The following COL14A1 variants were observed in gnomAD, a reference collection of about 807,000 sequenced individuals.
COL14A1 encodes collagen type XIV alpha 1 chain, also known as collagen alpha-1(XIV) chain.
COL14A1 carries 136 observed loss-of-function variants against 230.3 expected under a neutral mutation model. The ratio of observed to expected loss-of-function variants is 0.59; its 90% CI spans 0.51 to 0.68. The LOEUF is 0.68. Ranked by LOEUF, COL14A1 falls within the 30% of genes least tolerant of loss-of-function variation. COL14A1 has a pLI of 0.00. For missense variants in COL14A1, 1,976 were observed against 2,215.8 expected, an observed-to-expected ratio of 0.89 and a Z score of 2.17; for synonymous variants, 792 against 784.1, an observed-to-expected ratio of 1.01 and a Z score of -0.17.
intron 26 of COL14A1, 99 bp from the exon 27 acceptor site, chr8:120,278,012 T>C: frequency 9.0e-7 from 1 of 1,105,978 alleles, no homozygotes; most frequent in Non-Finnish European, 1.2e-6. Flanking sequence ...TGTAATGAGA[T>C]AATGAAGAAA....
At chr8:120,368,136 T>C (rs1019779592) in intron 46 of COL14A1, among the ~76,000 whole-genome samples, 1 of 152,154 alleles carries the variant, frequency 6.6e-6, no homozygotes, top group African/African-American at 2.4e-5. Flanking sequence ...ACTGAATGAG[T>C]TCTGTAAAAG....
intron 45 of COL14A1, among the ~76,000 whole-genome samples, chr8:120,355,788 C>T (rs1055940214): frequency 6.6e-6 from 1 of 152,216 alleles, no homozygotes; most frequent in African/African-American, 2.4e-5. Context: ...TCAGAGAAAC[C>T]ATCTGATCAT....
chr8:120,256,222 G>T (rs564067058), intron 23 of COL14A1, among the ~76,000 whole-genome samples: 2 of 152,166 alleles, frequency 1.3e-5, no homozygotes, highest in South Asian at 4.2e-4. Flanking sequence ...GTTCTTTCTG[G>T]GCAAATGATC....
intron 42 of COL14A1, among the ~76,000 whole-genome samples, chr8:120,338,727 G>A (rs964186395): frequency 2.0e-4 from 30 of 152,162 alleles, no homozygotes; most frequent in African/African-American, 5.6e-4. Flanking sequence ...AGCAGCCTAC[G>A]TATCAGCTAT....
chr8:120,168,360 A>G, intron 5 of COL14A1, 113 bp downstream of exon 5: 2 of 702,190 alleles, frequency 2.8e-6, no homozygotes, highest in Non-Finnish European at 2.4e-6. Flanking sequence ...TCTAATACGA[A>G]GATCGCCTGT....
Position 120,247,681 on chromosome 8 carries a change from G to A in COL14A1, c.2548G>A (p.Asp850Asn). The change falls in exon 21 of 48, where the codon GAC becomes AAC. Residue 850 changes from aspartate to asparagine, a missense_variant. Physicochemically the swap from Asp to Asn is conservative, Grantham distance 23. Coordinates refer to ENST00000297848, the MANE Select transcript of COL14A1 (RefSeq NM_021110.4). Reference sequence around the variant, plus strand: ...GTATAACCGGTTGCGCATTACGTGGGACCCCCCATCTTCCCCGGTGAAAGG... The same window carrying A: ...GTATAACCGGTTGCGCATTACGTGGAACCCCCCATCTTCCCCGGTGAAAGG... ...EWYNRLRITWDPPSSPVKGYR... is the reference protein window; with the variant it reads ...EWYNRLRITWNPPSSPVKGYR... 6.2e-7 allele frequency: 1 copy of A among 1,614,110 alleles called. No individual in the cohort carries two copies. The highest frequency in any genetic ancestry group is 1.1e-5 in the South Asian group (1 of 91,064).
intron 1 of COL14A1, among the ~76,000 whole-genome samples, chr8:120,135,637 T>C (rs1020029129): frequency 6.6e-6 from 1 of 152,196 alleles, no homozygotes; most frequent in Non-Finnish European, 1.5e-5. Flanking sequence ...TCTTAGAGAA[T>C]ATTTGTCCAT....
intron 9 of COL14A1, among the ~76,000 whole-genome samples, chr8:120,206,063 A>C (rs1437063111): frequency 1.3e-5 from 2 of 151,944 alleles, no homozygotes. Flanking sequence ...TCTTTTTTTA[A>C]ATTTTTAGGT....
In COL14A1 at chr8:120,161,814, C is replaced by A. The variant is rs534710440; in HGVS notation, c.206-612C>A. Among the ~76,000 whole-genome samples the A allele has an allele frequency of 5.3e-5, 8 of 152,268 alleles. No homozygotes were observed. The South Asian group carries it at 1.7e-3, about 32-fold the overall frequency. ...GAGTAGCTGGGACTACAGACAAACA[C>A]CACCACGGCTGGTTAATTTTGTGTG... On this transcript the variant is annotated intron_variant, in intron 3 of 47. Transcript: ENST00000297848.
At chr8:120,347,039 G>A (rs1020676568) in intron 45 of COL14A1, among the ~76,000 whole-genome samples, 1 of 152,138 alleles carries the variant, frequency 6.6e-6, no homozygotes, top group African/African-American at 2.4e-5. Flanking sequence ...TCTGTCAGCA[G>A]GGCATCCTCT....
intron 27 of COL14A1, 42 bp from the exon 28 acceptor site, chr8:120,278,393 T>C (rs911246797): frequency 1.9e-6 from 3 of 1,585,148 alleles, no homozygotes; most frequent in African/African-American, 2.7e-5. Flanking sequence ...AAAACAAAAA[T>C]GGGAGGGAGT....
Position 120,247,749 on chromosome 8 carries a change from T to C in COL14A1, c.2602+14T>C, listed in dbSNP as rs373089694. On this transcript the variant is annotated intron_variant, in intron 21 of 47. Transcript: ENST00000297848. ...AACCTGTCAGTGGTAAGTAATGCTT[T>C]GTAAATAATGTTGATACCATGAGTA... 3 of 1,611,870 alleles carry C rather than the reference T, an allele frequency of 1.9e-6. No individual in the cohort carries two copies. The highest frequency in any genetic ancestry group is 2.5e-6 in the Non-Finnish European group (3 of 1,179,286).
chr8:120,168,523 C>T (rs1815992435), intron 5 of COL14A1, among the ~76,000 whole-genome samples: 2 of 152,190 alleles, frequency 1.3e-5, no homozygotes, highest in African/African-American at 4.8e-5. Context: ...GAAACCTTTA[C>T]ATGCCAATTC....
intron 8 of COL14A1, 62 bp from the exon 9 acceptor site, chr8:120,203,647 C>G: frequency 6.5e-7 from 1 of 1,546,288 alleles, no homozygotes; most frequent in Non-Finnish European, 8.8e-7. Flanking sequence ...TCAGGCCCAC[C>G]GCAGTCACTC....
intron 19 of COL14A1, among the ~76,000 whole-genome samples, chr8:120,235,562 A>C (rs1818416169): frequency 6.6e-6 from 1 of 152,086 alleles, no homozygotes; most frequent in African/African-American, 2.4e-5. Flanking sequence ...CTTTTCAAAA[A>C]ACAAGCTCCT....
chr8:120,131,604 A>T (rs187992763), intron 1 of COL14A1, among the ~76,000 whole-genome samples: 20 of 152,180 alleles, frequency 1.3e-4, no homozygotes, highest in Admixed American at 1.2e-3. Flanking sequence ...TAGATTCTGG[A>T]TATCAGACCT....
chr8:120,172,691 C>G (rs1816133622), intron 5 of COL14A1, among the ~76,000 whole-genome samples: 1 of 152,154 alleles, frequency 6.6e-6, no homozygotes, highest in South Asian at 2.1e-4. Context: ...GTTTTCCCCC[C>G]ACACAGAGCT....
chr8:120,225,814 CA>C (rs1001268940), intron 15 of COL14A1, among the ~76,000 whole-genome samples: 5 of 151,928 alleles, frequency 3.3e-5, no homozygotes, highest in African/African-American at 1.2e-4. Flanking sequence ...TCATGGATTG[CA>C]CTTGGAAACA....
intron 40 of COL14A1, among the ~76,000 whole-genome samples, chr8:120,321,239 T>C (rs959760070): frequency 1.3e-5 from 2 of 152,282 alleles, no homozygotes; most frequent in Admixed American, 1.3e-4. Context: ...CATAAAAATA[T>C]GGTTTCTTGA....
Sources: gnomAD v4.1 joint callset for allele counts (sites outside exome capture counted in the v4.1 genomes callset) on GRCh38, gnomAD v4.1.1 for gene constraint, MANE v1.5 for transcripts, NCBI Gene and HGNC (gene_info 2026-07-23, HGNC 2026-07-21) for gene names.